TACR1: variants seen among roughly 807,000 people sequenced by gnomAD.
The protein encoded by TACR1 is tachykinin receptor 1, also known as substance-P receptor.
TACR1 carries 25 observed loss-of-function variants against 35.8 expected under a neutral mutation model. The observed-to-expected ratio is 0.70, with a 90% CI of 0.51 to 0.98. TACR1 has a LOEUF of 0.98. TACR1 is among the 50% of genes least tolerant of loss of function. The probability of loss-of-function intolerance (pLI) is 0.00; values close to 1 mark genes in which losing one functional copy is unlikely to be tolerated. For synonymous variants in TACR1, 195 were observed against 206.7 expected (o/e 0.94, Z 0.48); for missense variants, 478 against 522.9 (o/e 0.91, Z 0.84).
intron 2 of TACR1, among the ~76,000 whole-genome samples, chr2:75,086,423 A>G (rs1673190127): frequency 1.3e-5 from 2 of 152,224 alleles, no homozygotes; most frequent in South Asian, 2.1e-4. Flanking sequence ...CCTGTTTTAT[A>G]AAGTGCAAAT....
intron 2 of TACR1, among the ~76,000 whole-genome samples, chr2:75,077,492 T>C (rs1673002734): frequency 6.6e-6 from 1 of 152,198 alleles, no homozygotes; most frequent in Admixed American, 6.5e-5. Flanking sequence ...GGAGAGGTTG[T>C]TGGTAAAATC....
intron 1 of TACR1, among the ~76,000 whole-genome samples, chr2:75,163,738 G>A (rs960641462): frequency 1.3e-5 from 2 of 152,158 alleles, no homozygotes; most frequent in Non-Finnish European, 2.9e-5. Flanking sequence ...ATATAAAAAT[G>A]TAGATGTCTT....
chr2:75,154,412 A>G (rs79547660), intron 1 of TACR1: 30,976 of 76,304 alleles, frequency 0.41, 7,651 homozygotes, highest in African/African-American at 0.55. Context: ...GCGCGCACGC[A>G]CACACACACA....
intron 2 of TACR1, 135 bp from the exon 3 acceptor site, chr2:75,053,890 A>C: frequency 1.6e-5 from 19 of 1,173,754 alleles, no homozygotes; most frequent in South Asian, 2.9e-5. Context: ...TTGGGCTGTA[A>C]AGCCCACTCC....
At chr2:75,153,841 C>G (rs1165579887) in intron 1 of TACR1, among the ~76,000 whole-genome samples, 1 of 152,210 alleles carries the variant, frequency 6.6e-6, no homozygotes, top group African/African-American at 2.4e-5. Context: ...TCTTCCTATT[C>G]AAGCTAATTC....
intron 2 of TACR1, among the ~76,000 whole-genome samples, chr2:75,093,841 C>A (rs1157124200): frequency 1.3e-5 from 2 of 152,036 alleles, no homozygotes; most frequent in Non-Finnish European, 2.9e-5. Context: ...TGTGGGGTAA[C>A]AAGACAAAGC....
intron 1 of TACR1, chr2:75,156,150 C>G (rs977296249): frequency 5.9e-5 from 9 of 152,034 alleles, no homozygotes; most frequent in Non-Finnish European, 1.2e-4. Flanking sequence ...ATTGTGCATA[C>G]AAATTATTGT....
intron 2 of TACR1, among the ~76,000 whole-genome samples, chr2:75,102,940 C>T (rs1371070173): frequency 6.6e-6 from 1 of 151,864 alleles, no homozygotes; most frequent in Non-Finnish European, 1.5e-5. Flanking sequence ...TGTTTGTGGA[C>T]CATAATTATG....
At chr2:75,098,005 T>C (rs1248556544) in intron 2 of TACR1, among the ~76,000 whole-genome samples, 1 of 152,206 alleles carries the variant, frequency 6.6e-6, no homozygotes, top group African/African-American at 2.4e-5. Flanking sequence ...TGGGAAGAGA[T>C]GTGCACAGTT....
Position 75,062,265 on chromosome 2 carries a change from C to T in TACR1, c.585-8510G>A, listed in dbSNP as rs546276102. ...ACTACAAGTACTATATACTCATCGT[C>T]GATTTGAAAATACAGACAAGCATTG... On this transcript the variant is annotated intron_variant, in intron 2 of 4. Coordinates refer to ENST00000305249, the MANE Select transcript of TACR1 (RefSeq NM_001058.4). 3.3e-5 allele frequency among the ~76,000 whole-genome samples: 5 copies of T among 151,988 alleles called. No individual in the cohort carries two copies. The East Asian group carries it at 7.8e-4, about 24-fold the overall frequency.
chr2:75,192,414 A>G (rs560904929), intron 1 of TACR1, among the ~76,000 whole-genome samples: 8 of 152,376 alleles, frequency 5.3e-5, no homozygotes, highest in African/African-American at 1.9e-4. Context: ...GAATTCTGTG[A>G]TGATTTAATA....
intron 1 of TACR1, among the ~76,000 whole-genome samples, chr2:75,127,746 C>A (rs1457549198): frequency 1.3e-5 from 2 of 152,212 alleles, no homozygotes; most frequent in South Asian, 2.1e-4. Flanking sequence ...TGTAGGAGCT[C>A]ATGAGACGAG....
chr2:75,118,721 T>G (rs1292862963), intron 2 of TACR1: 1 of 152,194 alleles, frequency 6.6e-6, no homozygotes, highest in Non-Finnish European at 1.5e-5. Flanking sequence ...TAGAAAGTGA[T>G]CAGATTTTGA....
chr2:75,162,584 T>C (rs966776109), intron 1 of TACR1, among the ~76,000 whole-genome samples: 5 of 152,272 alleles, frequency 3.3e-5, no homozygotes, highest in Admixed American at 6.5e-5. Context: ...AATAGATCTA[T>C]TTGAGTTCTG....
At chr2:75,173,949 T>C (rs1394743337) in intron 1 of TACR1, among the ~76,000 whole-genome samples, 1 of 152,210 alleles carries the variant, frequency 6.6e-6, no homozygotes, top group Non-Finnish European at 1.5e-5. Context: ...CCTGATGTGC[T>C]AAACACCAGT....
intron 1 of TACR1, among the ~76,000 whole-genome samples, chr2:75,184,789 T>G (rs1210945156): frequency 6.6e-6 from 1 of 151,564 alleles, no homozygotes; most frequent in Non-Finnish European, 1.5e-5. Flanking sequence ...ATAATAAAAC[T>G]TTTTAAAAAA....
intron 4 of TACR1, 43 bp from the exon 5 acceptor site, chr2:75,049,766 T>G: frequency 1.3e-6 from 2 of 1,577,406 alleles, no homozygotes; most frequent in Non-Finnish European, 1.7e-6. Context: ...TGGGACGGCC[T>G]GCTCAGAGGG....
intron 2 of TACR1, among the ~76,000 whole-genome samples, chr2:75,108,110 C>G (rs1219113785): frequency 6.6e-6 from 1 of 152,038 alleles, no homozygotes; most frequent in Admixed American, 6.6e-5. Flanking sequence ...CAAGGGCGAG[C>G]TGGTTTTATG....
intron 2 of TACR1, among the ~76,000 whole-genome samples, chr2:75,108,804 A>G (rs1217673026): frequency 6.6e-6 from 1 of 152,214 alleles, no homozygotes; most frequent in African/African-American, 2.4e-5. Flanking sequence ...AATTACTTTG[A>G]TGTATCACCA....
Sources: allele counts gnomAD v4.1 joint callset (sites outside exome capture counted in the v4.1 genomes callset), GRCh38; gene constraint gnomAD v4.1.1; transcripts MANE v1.5; gene names NCBI Gene and HGNC (gene_info 2026-07-23, HGNC 2026-07-21).